Variants in LRFN2 observed in about 807,000 individuals in gnomAD.
LRFN2 encodes the protein leucine-rich repeat and fibronectin type-III domain-containing protein 2.
A neutral mutation model predicts 37.3 loss-of-function variants in LRFN2; 18 were observed. The ratio of observed to expected loss-of-function variants is 0.48; its 90% confidence interval spans 0.33 to 0.72. LRFN2 has a LOEUF of 0.72. Ranked by LOEUF, LRFN2 falls within the 30% of genes least tolerant of loss-of-function variation. The probability of loss-of-function intolerance (pLI) is 0.02; values close to 1 mark genes in which losing one functional copy is unlikely to be tolerated. For missense variants in LRFN2, 1,006 were observed against 1,060.7 expected (o/e 0.95, Z 0.72); for synonymous variants, 556 against 466.6 (o/e 1.19, Z -2.47).
At chr6:40,505,620 G>A (rs990318488) in intron 1 of LRFN2, among the ~76,000 whole-genome samples, 31 of 152,124 alleles carry the variant, frequency 2.0e-4, no homozygotes, top group African/African-American at 7.0e-4. Flanking sequence ...GGCCCTTTCC[G>A]CTACCCCTCA....
intron 1 of LRFN2, among the ~76,000 whole-genome samples, chr6:40,480,915 A>G (rs1486332391): frequency 1.3e-5 from 2 of 152,242 alleles, no homozygotes; most frequent in East Asian, 1.9e-4. Flanking sequence ...TCTGAAATTC[A>G]TAATAGCTAA....
At chr6:40,569,170 A>G (rs1767143557) in intron 1 of LRFN2, among the ~76,000 whole-genome samples, 1 of 152,230 alleles carries the variant, frequency 6.6e-6, no homozygotes, top group African/African-American at 2.4e-5. Flanking sequence ...GGAGGCAGGA[A>G]GCATGAGTCC....
At chr6:40,555,520 G>A (rs996713243) in intron 1 of LRFN2, among the ~76,000 whole-genome samples, 8 of 152,178 alleles carry the variant, frequency 5.3e-5, no homozygotes, top group African/African-American at 1.9e-4. Flanking sequence ...AGACAGTGTT[G>A]CCACGCAGAT....
chr6:40,482,955 G>A (rs994533559), intron 1 of LRFN2, among the ~76,000 whole-genome samples: 1 of 152,244 alleles, frequency 6.6e-6, no homozygotes, highest in Non-Finnish European at 1.5e-5. Flanking sequence ...CCCTGTCCCT[G>A]CTGCAGCCAC....
intron 1 of LRFN2, among the ~76,000 whole-genome samples, chr6:40,572,371 T>C (rs1378975537): frequency 6.6e-6 from 1 of 152,194 alleles, no homozygotes; most frequent in African/African-American, 2.4e-5. Flanking sequence ...TCCAGTTCAT[T>C]AGCCCCCTGT....
At chr6:40,449,022 T>C (rs1243478740) in intron 1 of LRFN2, among the ~76,000 whole-genome samples, 2 of 152,188 alleles carry the variant, frequency 1.3e-5, no homozygotes, top group African/African-American at 4.8e-5. Flanking sequence ...TCTTCCTCTG[T>C]GGGGTGACTA....
chr6:40,481,527 A>G lies in LRFN2; in HGVS notation c.-18-48396T>C, dbSNP rs190552535. ...CCCTGGTTCAGAATTTCATCAATAC[A>G]GATAAGTCCTATCTCGGGGATCAGA... On this transcript the variant is annotated intron_variant, in intron 1 of 2. Coordinates refer to ENST00000338305, the MANE Select transcript of LRFN2 (RefSeq NM_020737.3). Among the ~76,000 whole-genome samples the G allele has an allele frequency of 3.3e-5, 5 of 152,242 alleles. No homozygotes were observed. In the East Asian group the frequency reaches 7.7e-4, roughly 23 times the overall value.
chr6:40,547,105 CTTT>C (rs71307603), intron 1 of LRFN2, among the ~76,000 whole-genome samples: 2 of 139,400 alleles, frequency 1.4e-5, no homozygotes, highest in African/African-American at 2.6e-5. Flanking sequence ...TAATGCAAAT[CTTT>C]TTTTTTTTTT....
intron 2 of LRFN2, among the ~76,000 whole-genome samples, chr6:40,422,084 T>C (rs543824515): frequency 6.6e-6 from 1 of 152,164 alleles, no homozygotes; most frequent in Non-Finnish European, 1.5e-5. Context: ...GTAAAAAAAA[T>C]GGCTCCAGTG....
chr6:40,392,470 G>A lies in LRFN2; in HGVS notation c.1843C>T (p.Leu615=), dbSNP rs774361999. Residue 615 remains leucine (L), a synonymous_variant, in exon 3 of 3, where the codon CTG becomes TTG. Coordinates refer to ENST00000338305, the MANE Select transcript of LRFN2 (RefSeq NM_020737.3). The surrounding 1 kb of genome is among the most constrained non-coding windows in gnomAD (Gnocchi z 4.7). ...RNELLDFTAS[L]ARASDSSSSS... The stretch of plus-strand genomic sequence containing the variant: ...GAAGAGGAGTCACTGGCGCGGGCCA[G>A]GCTGGCGGTGAAGTCCAGGAGCTCG... 1 of 1,569,876 alleles carries A rather than the reference G, an allele frequency of 6.4e-7. No homozygotes were observed. The highest frequency in any genetic ancestry group is 2.4e-5 in the East Asian group (1 of 42,048).
At chr6:40,504,045 G>C (rs1765462237) in intron 1 of LRFN2, among the ~76,000 whole-genome samples, 1 of 152,156 alleles carries the variant, frequency 6.6e-6, no homozygotes, top group Non-Finnish European at 1.5e-5. Flanking sequence ...TGGCATTAAG[G>C]GGGAAGCAGT....
chr6:40,416,526 T>A (rs561950116), intron 2 of LRFN2, among the ~76,000 whole-genome samples: 1 of 152,320 alleles, frequency 6.6e-6, no homozygotes, highest in South Asian at 2.1e-4. Context: ...TGGACTTTTT[T>A]TGGTTTGAGA....
intron 1 of LRFN2, among the ~76,000 whole-genome samples, chr6:40,557,454 C>A (rs1766911560): frequency 6.6e-6 from 1 of 152,188 alleles, no homozygotes; most frequent in Non-Finnish European, 1.5e-5. Flanking sequence ...GAAGATAAGA[C>A]CTACAGGCAC....
chr6:40,410,281 CT>C (rs1561842748), intron 2 of LRFN2, among the ~76,000 whole-genome samples: 1 of 152,132 alleles, frequency 6.6e-6, no homozygotes, highest in Non-Finnish European at 1.5e-5. Context: ...CTTCTCTGTG[CT>C]TTTAACATTC....
chr6:40,538,347 C>T (rs1210312863), intron 1 of LRFN2, among the ~76,000 whole-genome samples: 1 of 152,080 alleles, frequency 6.6e-6, no homozygotes, highest in Non-Finnish European at 1.5e-5. Context: ...CTCCAGGGCC[C>T]CCTGCCACCC....
At chr6:40,421,007 G>T (rs1763216063) in intron 2 of LRFN2, among the ~76,000 whole-genome samples, 1 of 152,202 alleles carries the variant, frequency 6.6e-6, no homozygotes, top group Non-Finnish European at 1.5e-5. Context: ...GAGGAAGCTG[G>T]GGTATTAATC....
intron 1 of LRFN2, among the ~76,000 whole-genome samples, chr6:40,531,578 C>A (rs943654144): frequency 6.6e-6 from 1 of 152,152 alleles, no homozygotes; most frequent in African/African-American, 2.4e-5. Context: ...TTCAGTTGCC[C>A]TTGGAGCTGT....
chr6:40,392,864 T>C lies in LRFN2; in HGVS notation c.1449A>G (p.Ser483=), dbSNP rs1762542687. The change falls in exon 3 of 3, where the codon TCA becomes TCG. Residue 483 remains serine, a synonymous_variant. Transcript: ENST00000338305. The surrounding 1 kb of genome is among the most constrained non-coding windows in gnomAD (Gnocchi z 4.7). ...NKAFVVNNLV[S]GTGYDLCVLA... The stretch of plus-strand genomic sequence containing the variant: ...GCACACACAAGTCGTAGCCAGTCCC[T>C]GACACCAGGTTGTTGACCACGAAGG... 1.9e-6 allele frequency: 3 copies of C among 1,613,590 alleles called. No homozygotes were observed. The highest frequency in any genetic ancestry group is 2.5e-6 in the Non-Finnish European group (3 of 1,179,828).
chr6:40,533,621 A>G (rs750254707), intron 1 of LRFN2, among the ~76,000 whole-genome samples: 69 of 152,176 alleles, frequency 4.5e-4, no homozygotes, highest in Non-Finnish European at 9.1e-4. Context: ...ATGCCCTGGG[A>G]AGCAGAGGCC....
Sources: allele counts gnomAD v4.1 joint callset (sites outside exome capture counted in the v4.1 genomes callset), GRCh38; gene constraint gnomAD v4.1.1; non-coding constraint Gnocchi (gnomAD v3.1); transcripts MANE v1.5; gene names NCBI Gene and HGNC (gene_info 2026-07-23, HGNC 2026-07-21).